The following SHC4 variants were observed in gnomAD, a reference collection of about 807,000 sequenced individuals.
The protein encoded by SHC4 is SHC-transforming protein 4.
SHC4 carries 41 observed loss-of-function variants against 69.4 expected under a neutral mutation model. That is an observed-to-expected ratio of 0.59 (90% CI 0.46 to 0.77). SHC4 has a LOEUF of 0.77. Ranked by LOEUF, SHC4 falls within the 30% of genes least tolerant of loss-of-function variation. The pLI, the probability that SHC4 is intolerant of heterozygous loss-of-function variation, is 0.00. For synonymous variants in SHC4, 318 were observed against 299.3 expected, an observed-to-expected ratio of 1.06 and a Z score of -0.64; for missense variants, 777 against 783.8, an observed-to-expected ratio of 0.99 and a Z score of 0.10.
Position 48,872,141 on chromosome 15 carries a change from A to T in SHC4, c.842T>A (p.Ile281Asn). 6.4e-7 allele frequency: 1 copy of T among 1,568,446 alleles called. No homozygotes were observed. ...LTLMNLDNQQ[I>N]IANHHMQSIS... ...AGACTGCATATGATGATTTGCAATA[A>T]TCTGAAAAACATAAACATGTATACT... The change falls in exon 5 of 12, where the codon ATT becomes AAT. Residue 281 changes from isoleucine to asparagine, a missense_variant and splice_region_variant. Ile to Asn is a moderately radical substitution (Grantham distance 149). Coordinates refer to ENST00000332408, the MANE Select transcript of SHC4 (RefSeq NM_203349.4).
chr15:48,946,524 TTAAG>T (rs1235476260), intron 1 of SHC4: 7 of 943,918 alleles, frequency 7.4e-6, no homozygotes, highest in Middle Eastern at 5.5e-4. Context: ...CCTTCTTTTC[TTAAG>T]TGACAGCCTA....
At position 48,946,497 on chromosome 15, in the gene SHC4, C is replaced by T. The variant is rs961766500; in HGVS notation, c.585+15934G>A. 8.7e-6 allele frequency: 7 copies of T among 804,916 alleles called. No homozygotes were observed. The African/African-American group carries it at 1.3e-4, about 15-fold the overall frequency. 49.9% of individuals were successfully genotyped at this position (804,916 alleles called of 1,614,324 possible). On this transcript the variant is annotated intron_variant, in intron 1 of 11. Transcript: ENST00000332408. The stretch of plus-strand genomic sequence containing the variant: ...CCTCTCTTTCTCCTCCCCCTTTCCT[C>T]TCCCTCTCCTCTTCCTCCTTCTTTT...
At chr15:48,878,489 T>TTC (rs764232155) in intron 4 of SHC4, 9 of 1,613,830 alleles carry the variant, frequency 5.6e-6, no homozygotes, top group Non-Finnish European at 7.6e-6. Flanking sequence ...ATTTGATGAC[T>TTC]GGGAGGACGA....
intron 1 of SHC4, among the ~76,000 whole-genome samples, chr15:48,925,696 G>A (rs887218580): frequency 6.6e-6 from 1 of 152,194 alleles, no homozygotes; most frequent in African/African-American, 2.4e-5. Flanking sequence ...TAGTGTGGCA[G>A]CAGTGAGGAT....
Position 48,962,593 on chromosome 15 carries a change from C to G in SHC4, c.423G>C (p.Gly141=), listed in dbSNP as rs766292344. The G allele has an allele frequency of 1.2e-6, 2 of 1,613,548 alleles. No individual in the cohort carries two copies. Among genetic ancestry groups the G allele is most frequent in the African/African-American group, 2.7e-5 (2 of 74,930 alleles). The change falls in exon 1 of 12, where the codon GGG becomes GGC. Residue 141 remains glycine (G), a synonymous_variant. Transcript: ENST00000332408. Reference sequence around the variant, plus strand: ...GGTCCTGCTGCGGTGGAGGTGCAGTCCCGGACCTACTTAAACTGGTTTCTG... The same window carrying G: ...GGTCCTGCTGCGGTGGAGGTGCAGTGCCGGACCTACTTAAACTGGTTTCTG... ...SSPETSLSRS[G]TAPPPQQDLV...
At chr15:48,933,873 G>T (rs1488935665) in intron 1 of SHC4, among the ~76,000 whole-genome samples, 2 of 152,046 alleles carry the variant, frequency 1.3e-5, no homozygotes, top group Non-Finnish European at 2.9e-5. Context: ...TCAACCGATG[G>T]CACCAGAGCA....
At chr15:48,826,206 C>A (rs1898685171) in intron 11 of SHC4, 80 bp from the exon 12 acceptor site, 2 of 1,324,686 alleles carry the variant, frequency 1.5e-6, no homozygotes, top group East Asian at 2.4e-5. Context: ...GGGGAAAATG[C>A]CAGATATATC....
At chr15:48,835,730 A>G (rs527557534) in intron 10 of SHC4, among the ~76,000 whole-genome samples, 38 of 152,264 alleles carry the variant, frequency 2.5e-4, no homozygotes, top group African/African-American at 8.9e-4. Context: ...ATGGGAAGGG[A>G]CCTCCAGTTA....
intron 1 of SHC4, among the ~76,000 whole-genome samples, chr15:48,949,830 T>A (rs938269824): frequency 6.8e-6 from 1 of 146,316 alleles, no homozygotes; most frequent in Admixed American, 6.9e-5. Context: ...AATATATATA[T>A]AAATTATGTA....
At chr15:48,919,295 A>ATTTTTTTTTTTTTTTTTTTTGTTTTTTT (rs1900694981) in intron 2 of SHC4, among the ~76,000 whole-genome samples, 1 of 71,216 alleles carries the variant, frequency 1.4e-5, no homozygotes, top group Non-Finnish European at 2.6e-5. Flanking sequence ...ATTTATTTTA[A>ATTTTTTTTTTTTTTTTTTTTGTTTTTTT]TTTTTTTTTT....
At chr15:48,935,679 C>T (rs1244648864) in intron 1 of SHC4, among the ~76,000 whole-genome samples, 1 of 152,054 alleles carries the variant, frequency 6.6e-6, no homozygotes, top group Non-Finnish European at 1.5e-5. Flanking sequence ...TTTAGTGTAA[C>T]ACCAATCAAA....
chr15:48,948,240 G>T (rs563067142), intron 1 of SHC4, among the ~76,000 whole-genome samples: 6 of 152,246 alleles, frequency 3.9e-5, no homozygotes, highest in African/African-American at 1.4e-4. Context: ...GCTCTTCAAG[G>T]GCAAGATGTT....
chr15:48,834,183 T>C (rs1016251465), intron 11 of SHC4, among the ~76,000 whole-genome samples: 5 of 152,248 alleles, frequency 3.3e-5, no homozygotes, highest in African/African-American at 1.2e-4. Flanking sequence ...TCATTCATCT[T>C]CTATTGGCTT....
At chr15:48,874,220 A>G (rs9806753) in intron 4 of SHC4, among the ~76,000 whole-genome samples, 100,120 of 151,988 alleles carry the variant, frequency 0.66, 33,931 homozygotes, top group Middle Eastern at 0.81. Flanking sequence ...TAAAACTGTA[A>G]AAATGTCACA....
chr15:48,911,124 G>A (rs552477961), intron 2 of SHC4, among the ~76,000 whole-genome samples: 16 of 152,014 alleles, frequency 1.1e-4, no homozygotes, highest in Admixed American at 3.3e-4. Context: ...ATTTGTTGAC[G>A]CTCTGTCTTG....
intron 6 of SHC4, among the ~76,000 whole-genome samples, chr15:48,865,907 G>A (rs1424906450): frequency 6.6e-6 from 1 of 152,162 alleles, no homozygotes; most frequent in Non-Finnish European, 1.5e-5. Flanking sequence ...TGCCTCTCCT[G>A]TTTCACTTAA....
intron 6 of SHC4, among the ~76,000 whole-genome samples, chr15:48,861,653 ATG>A: frequency 6.6e-6 from 1 of 152,352 alleles, no homozygotes; most frequent in South Asian, 2.1e-4. Context: ...TTTCAGGGAT[ATG>A]GTAACTTTGT....
chr15:48,924,850 C>G, intron 2 of SHC4, 29 bp downstream of exon 2: 2 of 1,611,084 alleles, frequency 1.2e-6, no homozygotes, highest in Non-Finnish European at 1.7e-6. Context: ...CCATACTCCT[C>G]AAAGCCCCTC....
intron 6 of SHC4, among the ~76,000 whole-genome samples, chr15:48,865,596 A>G (rs1025238811): frequency 6.6e-6 from 1 of 152,212 alleles, no homozygotes; most frequent in Non-Finnish European, 1.5e-5. Context: ...TCTGCCTGAC[A>G]TCGTACAGTG....
Sources: allele counts gnomAD v4.1 joint callset (sites outside exome capture counted in the v4.1 genomes callset), GRCh38; gene constraint gnomAD v4.1.1; transcripts MANE v1.5; gene names NCBI Gene and HGNC (gene_info 2026-07-23, HGNC 2026-07-21).